The following CACNA2D1 variants were observed in gnomAD, a reference collection of about 807,000 sequenced individuals.
CACNA2D1 encodes the protein calcium voltage-gated channel auxiliary subunit alpha2delta 1, also known as voltage-dependent calcium channel subunit alpha-2/delta-1.
CACNA2D1 carries 53 observed loss-of-function variants against 171.5 expected under a neutral mutation model. That is an observed-to-expected ratio of 0.31 (90% CI 0.25 to 0.39). The LOEUF is 0.39. CACNA2D1 is among the 10% of genes least tolerant of loss of function. The probability of loss-of-function intolerance (pLI) is 1.00; values close to 1 mark genes in which losing one functional copy is unlikely to be tolerated. For missense variants in CACNA2D1, 903 were observed against 1,299.8 expected, an observed-to-expected ratio of 0.69 and a Z score of 4.69; for synonymous variants, 442 against 443.1, an observed-to-expected ratio of 1.00 and a Z score of 0.03.
intron 10 of CACNA2D1, among the ~76,000 whole-genome samples, chr7:82,047,334 A>G (rs1349129808): frequency 6.6e-6 from 1 of 152,116 alleles, no homozygotes; most frequent in African/African-American, 2.4e-5. Flanking sequence ...CTTTACCAAC[A>G]CTGTGAAGCA....
At chr7:82,365,845 A>G (rs1461516416) in intron 1 of CACNA2D1, among the ~76,000 whole-genome samples, 1 of 152,214 alleles carries the variant, frequency 6.6e-6, no homozygotes, top group Non-Finnish European at 1.5e-5. Context: ...ATATTGCACA[A>G]TTTGCATGAC....
chr7:82,220,183 T>C (rs1801591692), intron 3 of CACNA2D1, among the ~76,000 whole-genome samples: 1 of 152,180 alleles, frequency 6.6e-6, no homozygotes, highest in African/African-American at 2.4e-5. Context: ...GGCATTGTTG[T>C]CAATCAATAC....
chr7:82,388,363 T>G (rs982882227), intron 1 of CACNA2D1, among the ~76,000 whole-genome samples: 1 of 152,226 alleles, frequency 6.6e-6, no homozygotes, highest in Non-Finnish European at 1.5e-5. Flanking sequence ...GATAAGAAGA[T>G]AAAATCCAGA....
intron 1 of CACNA2D1, among the ~76,000 whole-genome samples, chr7:82,363,026 G>A (rs7777281): frequency 0.88 from 133,354 of 152,036 alleles, 58,762 homozygotes; most frequent in African/African-American, 0.97. Context: ...GCAACCCCCT[G>A]AAATAAGACC....
At chr7:82,188,336 A>T (rs1797970332) in intron 3 of CACNA2D1, among the ~76,000 whole-genome samples, 1 of 152,162 alleles carries the variant, frequency 6.6e-6, no homozygotes, top group African/African-American at 2.4e-5. Context: ...AGTCAGGGAG[A>T]CTGTAATATC....
At chr7:82,299,856 T>C (rs905342582) in intron 3 of CACNA2D1, among the ~76,000 whole-genome samples, 3 of 152,140 alleles carry the variant, frequency 2.0e-5, no homozygotes, top group African/African-American at 7.2e-5. Context: ...AAAAAACCTA[T>C]ATTTTACTCA....
intron 3 of CACNA2D1, among the ~76,000 whole-genome samples, chr7:82,230,050 A>G (rs1394631215): frequency 6.6e-6 from 1 of 152,198 alleles, no homozygotes; most frequent in Non-Finnish European, 1.5e-5. Flanking sequence ...TTGGAGTATA[A>G]TATCCAGAAA....
At chr7:82,312,712 T>G (rs1055522083) in intron 3 of CACNA2D1, among the ~76,000 whole-genome samples, 15 of 151,874 alleles carry the variant, frequency 9.9e-5, no homozygotes, top group Non-Finnish European at 2.1e-4. Flanking sequence ...TTTTGCATTT[T>G]TAGTACAGAT....
intron 6 of CACNA2D1, among the ~76,000 whole-genome samples, chr7:82,110,507 C>T (rs1788251314): frequency 6.6e-6 from 1 of 152,188 alleles, no homozygotes; most frequent in African/African-American, 2.4e-5. Context: ...TTTAGCCTAT[C>T]TGTCTGAGAT....
At chr7:82,315,870 T>C (rs1815056476) in intron 3 of CACNA2D1, among the ~76,000 whole-genome samples, 1 of 152,166 alleles carries the variant, frequency 6.6e-6, no homozygotes. Context: ...TGATACTTTT[T>C]TCTTAAGAAG....
chr7:81,995,727 A>T (rs1289720578), intron 19 of CACNA2D1, among the ~76,000 whole-genome samples: 7 of 146,056 alleles, frequency 4.8e-5, no homozygotes, highest in African/African-American at 1.3e-4. Context: ...TGAACCCAGG[A>T]GGTGGAGGTT....
At position 81,964,368 on chromosome 7, in the gene CACNA2D1, G is replaced by C. The variant is rs183290212; in HGVS notation, c.2575-9C>G. Reference sequence around the variant, plus strand: ...CCAAAAAATCTTCCAATCTGGTGAAGAAAAAAATCATAAAGCAACGTGCAC... The same window carrying C: ...CCAAAAAATCTTCCAATCTGGTGAACAAAAAAATCATAAAGCAACGTGCAC... On this transcript the variant is annotated splice_polypyrimidine_tract_variant and intron_variant, in intron 32 of 38. Transcript: ENST00000356860. 8.5e-5 allele frequency: 137 copies of C among 1,609,936 alleles called. No individual in the cohort carries two copies. Among genetic ancestry groups the C allele is most frequent in the Admixed American group, 1.8e-4 (11 of 59,664 alleles).
intron 10 of CACNA2D1, among the ~76,000 whole-genome samples, chr7:82,050,079 C>G (rs1025451756): frequency 1.3e-5 from 2 of 152,136 alleles, no homozygotes; most frequent in African/African-American, 4.8e-5. Flanking sequence ...AAAACATGTC[C>G]TTGTCTAGGA....
chr7:82,175,795 T>C (rs1796489404), intron 3 of CACNA2D1, among the ~76,000 whole-genome samples: 1 of 152,072 alleles, frequency 6.6e-6, no homozygotes, highest in African/African-American at 2.4e-5. Flanking sequence ...CTACTTGGCA[T>C]TCTACATATC....
At position 81,961,909 on chromosome 7, in the gene CACNA2D1, C is replaced by G; in HGVS notation, c.2951G>C (p.Cys984Ser). The G allele has an allele frequency of 6.2e-7, 1 of 1,609,200 alleles. No homozygotes were observed. Among genetic ancestry groups the G allele is most frequent in the Non-Finnish European group, 8.5e-7 (1 of 1,176,066 alleles). Residue 984 changes from cysteine to serine, a missense_variant, in exon 36 of 39, where the codon TGT becomes TCT. This residue lies in a region of CACNA2D1 where 623 missense variants were observed against 925.5 expected (regional missense o/e 0.67). Transcript: ENST00000356860. ...DSKSFSGVLD[C>S]GNCSRIFHGE... The stretch of plus-strand genomic sequence containing the variant: ...AATAAATTACCTGGAACAGTTTCCA[C>G]AGTCTAATACACCACTGAATGATTT...
intron 25 of CACNA2D1, among the ~76,000 whole-genome samples, chr7:81,972,100 G>T (rs546274835): frequency 6.6e-6 from 1 of 151,498 alleles, no homozygotes; most frequent in Non-Finnish European, 1.5e-5. Flanking sequence ...AAATTATTTT[G>T]TAAACTTTAT....
At chr7:82,097,931 T>C (rs1179631658) in intron 6 of CACNA2D1, among the ~76,000 whole-genome samples, 2 of 151,938 alleles carry the variant, frequency 1.3e-5, no homozygotes, top group African/African-American at 2.4e-5. Flanking sequence ...CTGGCCAACA[T>C]GGTGAAACCC....
chr7:82,383,789 C>T (rs962947297), intron 1 of CACNA2D1, among the ~76,000 whole-genome samples: 1 of 152,164 alleles, frequency 6.6e-6, no homozygotes, highest in South Asian at 2.1e-4. Context: ...TGTTTATTTA[C>T]TAATATACAC....
intron 38 of CACNA2D1, among the ~76,000 whole-genome samples, chr7:81,956,898 T>G (rs939600040): frequency 2.6e-5 from 4 of 152,124 alleles, no homozygotes; most frequent in Non-Finnish European, 4.4e-5. Context: ...TTTAGTAGTA[T>G]TGAATAGAGA....
Sources: gnomAD v4.1 joint callset for allele counts (sites outside exome capture counted in the v4.1 genomes callset) on GRCh38, gnomAD v4.1.1 for gene constraint, gnomAD v4.1.1 regional missense constraint, MANE v1.5 for transcripts, NCBI Gene and HGNC (gene_info 2026-07-23, HGNC 2026-07-21) for gene names.